PIP5K1B: variants seen among roughly 807,000 people sequenced by gnomAD.
PIP5K1B encodes the protein phosphatidylinositol 4-phosphate 5-kinase type-1 beta.
In PIP5K1B, 42 loss-of-function variants were observed where a neutral mutation model predicts 67.0. The observed-to-expected ratio is 0.63, with a 90% confidence interval of 0.49 to 0.81. The LOEUF is 0.81. Among genes scored for constraint, PIP5K1B ranks in the 30% least tolerant of loss-of-function variants. The pLI is 0.00. For missense variants in PIP5K1B, 459 were observed against 646.3 expected, an observed-to-expected ratio of 0.71 and a Z score of 3.14; for synonymous variants, 214 against 231.4, an observed-to-expected ratio of 0.92 and a Z score of 0.68.
At chr9:68,733,101 T>C (rs924522366) in intron 1 of PIP5K1B, among the ~76,000 whole-genome samples, 2 of 152,190 alleles carry the variant, frequency 1.3e-5, no homozygotes, top group East Asian at 3.8e-4. Flanking sequence ...CTCATGTACT[T>C]GTGTAGTTGA....
chr9:68,733,668 CT>C (rs1326734542), intron 1 of PIP5K1B, among the ~76,000 whole-genome samples: 19 of 81,508 alleles, frequency 2.3e-4, no homozygotes, highest in African/African-American at 9.1e-4. Flanking sequence ...GAGATGGAGT[CT>C]TGCTTATTCG....
chr9:68,837,166 A>C (rs1380438534), intron 4 of PIP5K1B, among the ~76,000 whole-genome samples: 2 of 152,202 alleles, frequency 1.3e-5, no homozygotes. Flanking sequence ...TCAGTAGATA[A>C]ATCTGGGCAC....
chr9:68,965,973 CAAAAAAAA>C (rs1198036806), intron 14 of PIP5K1B, among the ~76,000 whole-genome samples: 1 of 67,144 alleles, frequency 1.5e-5, no homozygotes, highest in African/African-American at 5.0e-5. Context: ...GACTCCATCT[CAAAAAAAA>C]AAAAAAAAAA....
chr9:68,909,700 G>A (rs1047211722), intron 8 of PIP5K1B, among the ~76,000 whole-genome samples: 3 of 152,080 alleles, frequency 2.0e-5, no homozygotes, highest in Non-Finnish European at 1.5e-5. Flanking sequence ...TCTGTAAATG[G>A]ATTGTAGGAT....
intron 13 of PIP5K1B, among the ~76,000 whole-genome samples, chr9:68,936,314 G>A (rs1017924643): frequency 2.0e-5 from 3 of 151,518 alleles, no homozygotes; most frequent in Non-Finnish European, 4.4e-5. Context: ...GAAGTTTGCT[G>A]TATTTGATAC....
chr9:68,980,862 G>A (rs1217489257), intron 14 of PIP5K1B, among the ~76,000 whole-genome samples: 1 of 151,928 alleles, frequency 6.6e-6, no homozygotes, highest in East Asian at 1.9e-4. Context: ...AGCAAACTTA[G>A]GGGGCAAAAA....
chr9:68,999,213 A>G (rs1305260671), intron 15 of PIP5K1B, among the ~76,000 whole-genome samples: 1 of 152,200 alleles, frequency 6.6e-6, no homozygotes, highest in African/African-American at 2.4e-5. Flanking sequence ...GGTTCACCCT[A>G]ATCCAGTATG....
chr9:68,929,630 C>T (rs1826891913), intron 12 of PIP5K1B, among the ~76,000 whole-genome samples: 1 of 152,072 alleles, frequency 6.6e-6, no homozygotes, highest in Admixed American at 6.6e-5. Flanking sequence ...ACAATCATTG[C>T]TCAAGCCATT....
At chr9:68,893,021 C>T (rs905791558) in intron 7 of PIP5K1B, among the ~76,000 whole-genome samples, 2 of 151,664 alleles carry the variant, frequency 1.3e-5, no homozygotes, top group African/African-American at 4.8e-5. Flanking sequence ...TGCAGTGAGC[C>T]AAGATCATGC....
intron 14 of PIP5K1B, among the ~76,000 whole-genome samples, chr9:68,983,946 C>T (rs77416826): frequency 6.6e-6 from 1 of 152,292 alleles, no homozygotes; most frequent in South Asian, 2.1e-4. Context: ...GTCCCAGCTA[C>T]TTGGGGGCTG....
chr9:68,885,935 A>C (rs2132363192), intron 6 of PIP5K1B, among the ~76,000 whole-genome samples: 1 of 152,354 alleles, frequency 6.6e-6, no homozygotes, highest in East Asian at 1.9e-4. Flanking sequence ...TAATCCCAGC[A>C]CTTTGGGAGG....
At chr9:68,910,822 C>T (rs1467814734) in intron 8 of PIP5K1B, among the ~76,000 whole-genome samples, 5 of 152,116 alleles carry the variant, frequency 3.3e-5, no homozygotes, top group South Asian at 2.1e-4. Context: ...CTAGAAGAAA[C>T]GACATGAGCA....
intron 1 of PIP5K1B, among the ~76,000 whole-genome samples, chr9:68,719,324 A>G (rs888502705): frequency 6.6e-6 from 1 of 152,206 alleles, no homozygotes; most frequent in Non-Finnish European, 1.5e-5. Context: ...ATGCCTTTAA[A>G]GGTTATAGAT....
chr9:68,851,059 A>T (rs1180065929), intron 4 of PIP5K1B, among the ~76,000 whole-genome samples: 2 of 152,210 alleles, frequency 1.3e-5, no homozygotes, highest in East Asian at 3.8e-4. Flanking sequence ...TATTATGAAT[A>T]CTTTAAGAGT....
intron 14 of PIP5K1B, among the ~76,000 whole-genome samples, chr9:68,969,851 CAGA>C (rs915370408): frequency 2.6e-5 from 4 of 152,102 alleles, no homozygotes; most frequent in African/African-American, 9.7e-5. Flanking sequence ...AGTGTTTGTT[CAGA>C]AGAACAAAAG....
At chr9:68,730,227 G>A (rs1828356704) in intron 1 of PIP5K1B, among the ~76,000 whole-genome samples, 1 of 152,164 alleles carries the variant, frequency 6.6e-6, no homozygotes, top group Non-Finnish European at 1.5e-5. Context: ...GTATTTGGCT[G>A]CATATGAATA....
intron 5 of PIP5K1B, among the ~76,000 whole-genome samples, chr9:68,871,909 T>TG (rs755599204): frequency 2.4e-5 from 1 of 41,826 alleles, no homozygotes; most frequent in Non-Finnish European, 5.7e-5. Context: ...TGTCGGGTGT[T>TG]TTTTTTTTTT....
At chr9:68,808,586 G>A (rs929147541) in intron 2 of PIP5K1B, among the ~76,000 whole-genome samples, 3 of 152,232 alleles carry the variant, frequency 2.0e-5, no homozygotes, top group Non-Finnish European at 4.4e-5. Flanking sequence ...ACTTTCTTCT[G>A]TCTAATGTTT....
rs28533504 is a variant in PIP5K1B at position 68,798,067 on chromosome 9, C to T, written c.-85-20394C>T. The stretch of plus-strand genomic sequence containing the variant: ...TCCATGGTGGTTTTTTTTCATTCCC[C>T]GTGGAGTTCCACTTGATAGCCAATG... On this transcript the variant is annotated intron_variant, in intron 2 of 15. Transcript: ENST00000265382. Among the ~76,000 whole-genome samples, 582 of 151,100 alleles carry T rather than the reference C, an allele frequency of 3.9e-3. 1 individual carries two copies. Among genetic ancestry groups the T allele is most frequent in the African/African-American group, 0.014 (559 of 40,770 alleles).
Sources: allele counts gnomAD v4.1 joint callset (sites outside exome capture counted in the v4.1 genomes callset), GRCh38; gene constraint gnomAD v4.1.1; transcripts MANE v1.5; gene names NCBI Gene and HGNC (gene_info 2026-07-23, HGNC 2026-07-21).